Variants in ENTREP2 observed in about 807,000 individuals in gnomAD.
ENTREP2 encodes the protein protein ENTREP2.
chr15:29,261,191 A>G, the ENTREP2 span, among the ~76,000 whole-genome samples: 7 of 152,202 alleles, frequency 4.6e-5, no homozygotes, highest in East Asian at 1.4e-3. Flanking sequence ...CCTGAGATAC[A>G]TGGCAAGATC....
chr15:29,472,696 C>G, the ENTREP2 span, among the ~76,000 whole-genome samples: 300 of 152,218 alleles, frequency 2.0e-3, no homozygotes, highest in Non-Finnish European at 3.8e-3. Context: ...AACTCCTGAC[C>G]TCATGTGATC....
the ENTREP2 span, among the ~76,000 whole-genome samples, chr15:29,434,453 T>G: frequency 6.6e-6 from 1 of 152,186 alleles, no homozygotes; most frequent in Non-Finnish European, 1.5e-5. Flanking sequence ...TCAGCATCCC[T>G]TCACCTGTTC....
the ENTREP2 span, among the ~76,000 whole-genome samples, chr15:29,548,778 G>A: frequency 1.1e-4 from 17 of 152,176 alleles, no homozygotes; most frequent in African/African-American, 3.9e-4. Flanking sequence ...CATAAGAGGT[G>A]CATAAATGAG....
At chr15:29,389,161 A>T in the ENTREP2 span, among the ~76,000 whole-genome samples, 4 of 151,998 alleles carry the variant, frequency 2.6e-5, no homozygotes, top group Non-Finnish European at 5.9e-5. Flanking sequence ...CTATGAAAAA[A>T]AAAAAAAGAA....
the ENTREP2 span, among the ~76,000 whole-genome samples, chr15:29,576,543 A>G: frequency 6.6e-6 from 1 of 152,248 alleles, no homozygotes; most frequent in Non-Finnish European, 1.5e-5. Flanking sequence ...ACAAACTATA[A>G]CATGGAAAGA....
At chr15:29,228,345 C>A in the ENTREP2 span, among the ~76,000 whole-genome samples, 2 of 151,736 alleles carry the variant, frequency 1.3e-5, no homozygotes, top group Non-Finnish European at 2.9e-5. Flanking sequence ...AAAAACAAAA[C>A]AAAACAAAAT....
chr15:29,398,655 C>T, the ENTREP2 span, among the ~76,000 whole-genome samples: 27 of 152,116 alleles, frequency 1.8e-4, no homozygotes, highest in East Asian at 3.9e-4. Flanking sequence ...ACCCGGGAAA[C>T]GGAGGTTGCA....
the ENTREP2 span, among the ~76,000 whole-genome samples, chr15:29,600,915 TGA>T: frequency 7.0e-6 from 1 of 143,518 alleles, no homozygotes; most frequent in Non-Finnish European, 1.5e-5. Flanking sequence ...TTTTTTTTTT[TGA>T]GACAGAGTCT....
the ENTREP2 span, among the ~76,000 whole-genome samples, chr15:29,381,572 G>A: frequency 6.6e-6 from 1 of 151,690 alleles, no homozygotes; most frequent in Non-Finnish European, 1.5e-5. Flanking sequence ...AAGACACTGA[G>A]GAGCGCTCTC....
At chr15:29,499,079 T>C in the ENTREP2 span, among the ~76,000 whole-genome samples, 2 of 152,216 alleles carry the variant, frequency 1.3e-5, no homozygotes, top group African/African-American at 2.4e-5. Flanking sequence ...TAGTTGAGTC[T>C]TGTTTTTAAA....
At chr15:29,321,671 A>C in the ENTREP2 span, among the ~76,000 whole-genome samples, 1 of 152,050 alleles carries the variant, frequency 6.6e-6, no homozygotes, top group Non-Finnish European at 1.5e-5. Context: ...AAGAAAAAAA[A>C]AAGTGAAAAA....
the ENTREP2 span, among the ~76,000 whole-genome samples, chr15:29,590,750 A>G: frequency 6.6e-6 from 1 of 151,730 alleles, no homozygotes; most frequent in African/African-American, 2.4e-5. Flanking sequence ...GAGGGAAGGA[A>G]GGGAAATTTT....
At chr15:29,584,677 G>A in the ENTREP2 span, among the ~76,000 whole-genome samples, 1 of 152,114 alleles carries the variant, frequency 6.6e-6, no homozygotes, top group African/African-American at 2.4e-5. Flanking sequence ...GGGGGAAATG[G>A]GGAGATGTTG....
the ENTREP2 span, among the ~76,000 whole-genome samples, chr15:29,673,227 G>A: frequency 1.3e-3 from 192 of 152,198 alleles, 1 homozygote; most frequent in African/African-American, 4.3e-3. Flanking sequence ...TCTTGGTTTT[G>A]GTGGGTTTTG....
the ENTREP2 span, among the ~76,000 whole-genome samples, chr15:29,573,008 G>A: frequency 6.6e-6 from 1 of 152,138 alleles, no homozygotes; most frequent in Non-Finnish European, 1.5e-5. Context: ...TGGAGATGTC[G>A]AGAATTGGGT....
At chr15:29,414,097 G>C in the ENTREP2 span, among the ~76,000 whole-genome samples, 2 of 152,044 alleles carry the variant, frequency 1.3e-5, no homozygotes, top group African/African-American at 4.8e-5. Context: ...CAACGAGACA[G>C]AAAGTTAACA....
the ENTREP2 span, among the ~76,000 whole-genome samples, chr15:29,294,932 C>A: frequency 2.6e-5 from 4 of 152,284 alleles, no homozygotes; most frequent in East Asian, 7.7e-4. Context: ...TTGCAGGCTC[C>A]AAGCCGCCAG....
chr15:29,657,486 G>C, the ENTREP2 span, among the ~76,000 whole-genome samples: 6 of 78,016 alleles, frequency 7.7e-5, no homozygotes, highest in African/African-American at 1.6e-4. Context: ...GGGGGGGCGG[G>C]GGGGGGGGGT....
At chr15:29,166,592 A>G in the ENTREP2 span, among the ~76,000 whole-genome samples, 1,393 of 152,272 alleles carry the variant, frequency 9.1e-3, 19 homozygotes, top group African/African-American at 0.031. Flanking sequence ...AAAATAAAAT[A>G]CTTAGAAATA....
Sources: allele counts gnomAD v4.1 joint callset (sites outside exome capture counted in the v4.1 genomes callset), GRCh38; gene constraint gnomAD v4.1.1; transcripts MANE v1.5; gene names NCBI Gene and HGNC (gene_info 2026-07-23, HGNC 2026-07-21).